ERG: variants seen among roughly 807,000 people sequenced by gnomAD.
The protein encoded by ERG is ETS transcription factor ERG.
A neutral mutation model predicts 55.3 loss-of-function variants in ERG; 9 were observed. That is an observed-to-expected ratio of 0.16 (90% confidence interval 0.10 to 0.28). ERG has a LOEUF of 0.28. Among genes scored for constraint, ERG ranks in the 10% least tolerant of loss-of-function variants. The probability of loss-of-function intolerance (pLI) is 1.00; values close to 1 mark genes in which losing one functional copy is unlikely to be tolerated. For missense variants in ERG, 434 were observed against 631.6 expected (o/e 0.69, Z 3.35); for synonymous variants, 223 against 237.3 (o/e 0.94, Z 0.55).
intron 1 of ERG, among the ~76,000 whole-genome samples, chr21:38,455,124 T>C (rs888089484): frequency 3.0e-5 from 4 of 132,284 alleles, no homozygotes; most frequent in East Asian, 4.1e-4. Context: ...CTTTCTTTTT[T>C]TTTTTTTTTA....
intron 1 of ERG, among the ~76,000 whole-genome samples, chr21:38,634,123 T>C (rs1452496591): frequency 6.6e-6 from 1 of 152,200 alleles, no homozygotes; most frequent in African/African-American, 2.4e-5. Context: ...TAGTTGTATT[T>C]TATCTGCAAA....
chr21:38,450,630 A>G (rs942452100), intron 1 of ERG, among the ~76,000 whole-genome samples: 9 of 152,182 alleles, frequency 5.9e-5, no homozygotes, highest in Non-Finnish European at 8.8e-5. Context: ...AACCACTTTC[A>G]TAAATAGCTT....
intron 1 of ERG, among the ~76,000 whole-genome samples, chr21:38,638,368 C>T (rs1283261357): frequency 1.3e-5 from 2 of 152,200 alleles, no homozygotes; most frequent in African/African-American, 4.8e-5. Context: ...TGCATCTGGC[C>T]CTCCTCACTT....
chr21:38,395,690 G>A (rs2146438527), intron 6 of ERG: 1 of 172,700 alleles, frequency 5.8e-6, no homozygotes, highest in South Asian at 2.0e-4. Context: ...CTACAAATAG[G>A]GACTCGGCTA....
intron 5 of ERG, among the ~76,000 whole-genome samples, 193 bp from the exon 6 acceptor site, chr21:38,400,838 T>C (rs1716487837): frequency 6.6e-6 from 1 of 152,218 alleles, no homozygotes; most frequent in Non-Finnish European, 1.5e-5. Context: ...CTTGGAGCCT[T>C]GGTGTACTCC....
intron 1 of ERG, among the ~76,000 whole-genome samples, chr21:38,639,936 C>T (rs189932910): frequency 1.1e-4 from 17 of 152,246 alleles, no homozygotes; most frequent in East Asian, 1.9e-4. Flanking sequence ...AGGACAGCCA[C>T]GCCTGGAAAC....
chr21:38,561,356 A>G (rs1023153), intron 2 of ERG, among the ~76,000 whole-genome samples: 132,646 of 152,104 alleles, frequency 0.87, 58,031 homozygotes, highest in South Asian at 0.92. Flanking sequence ...TGAAGGTGAA[A>G]TTGGACAGGT....
intron 1 of ERG, among the ~76,000 whole-genome samples, chr21:38,658,658 G>T (rs4143428): frequency 0.39 from 58,989 of 152,042 alleles, 12,517 homozygotes; most frequent in Middle Eastern, 0.55. Flanking sequence ...GATACATAAC[G>T]TATAACATTG....
In ERG at chr21:38,417,879, A is replaced by G. The variant is rs79448826; in HGVS notation, c.388+5531T>C. On this transcript the variant is annotated intron_variant, in intron 3 of 9. Transcript: ENST00000288319. ...ATAAGCTGCTAAAGCGAGAGGTCCTATTGCATTTTGGTCAGCATTTTGCAA... is the reference window on the plus strand; with the variant it reads ...ATAAGCTGCTAAAGCGAGAGGTCCTGTTGCATTTTGGTCAGCATTTTGCAA... 4.7e-3 allele frequency among the ~76,000 whole-genome samples: 712 copies of G among 152,286 alleles called. 2 individuals carry two copies. Among genetic ancestry groups the G allele is most frequent in the African/African-American group, 0.015 (624 of 41,576 alleles).
At chr21:38,548,576 T>C (rs1351091862) in intron 2 of ERG, among the ~76,000 whole-genome samples, 1 of 148,486 alleles carries the variant, frequency 6.7e-6, no homozygotes, top group Non-Finnish European at 1.5e-5. Context: ...GCCTCCCAAG[T>C]AGCTGGGACT....
rs569765081 is a variant in ERG, at chr21:38,539,105, C to G, written c.-41+36557G>C. Among the ~76,000 whole-genome samples, 4 of 152,302 alleles carry G rather than the reference C, an allele frequency of 2.6e-5. No homozygotes were observed. The South Asian group carries it at 8.3e-4, about 32-fold the overall frequency. On this transcript the variant is annotated intron_variant, in intron 2 of 8. Coordinates refer to the ERG transcript ENST00000398897. ...GTGAGCTGAAGGCACTTTAACGATG[C>G]TGAGGCTGTAAACTAATGCATAATG... is the stretch of plus-strand genomic sequence containing the variant.
At chr21:38,655,672 A>T (rs753539514) in intron 1 of ERG, among the ~76,000 whole-genome samples, 3 of 152,174 alleles carry the variant, frequency 2.0e-5, no homozygotes, top group Non-Finnish European at 4.4e-5. Flanking sequence ...TTGAGGCTTG[A>T]GTGTGGATTT....
At chr21:38,514,890 T>C (rs935846543) in intron 2 of ERG, among the ~76,000 whole-genome samples, 6 of 152,000 alleles carry the variant, frequency 3.9e-5, no homozygotes, top group African/African-American at 1.4e-4. Flanking sequence ...AAATGAGTTT[T>C]AAAAGTTTGC....
chr21:38,387,071 A>AGGG, intron 9 of ERG, among the ~76,000 whole-genome samples: 1 of 150,808 alleles, frequency 6.6e-6, no homozygotes, highest in Non-Finnish European at 1.5e-5. Flanking sequence ...TGAGCAAAAA[A>AGGG]GGGGGAAAAA....
intron 2 of ERG, among the ~76,000 whole-genome samples, chr21:38,560,120 G>T (rs889657569): frequency 6.6e-6 from 1 of 152,208 alleles, no homozygotes; most frequent in Admixed American, 6.5e-5. Context: ...GATTTTGTGA[G>T]TGAAGGGCAT....
chr21:38,372,825 G>GTTT, the ERG span, among the ~76,000 whole-genome samples: 1 of 144,718 alleles, frequency 6.9e-6, no homozygotes, highest in Non-Finnish European at 1.5e-5. Context: ...TCCATTTCTT[G>GTTT]TTTTTTTTTT....
chr21:38,481,912 T>TTA (rs774106838), intron 1 of ERG, among the ~76,000 whole-genome samples: 2 of 152,232 alleles, frequency 1.3e-5, no homozygotes, highest in Non-Finnish European at 2.9e-5. Flanking sequence ...GAAAGACTTA[T>TTA]TATATAATAG....
intron 1 of ERG, among the ~76,000 whole-genome samples, chr21:38,487,563 G>A (rs1480068530): frequency 2.6e-5 from 4 of 152,200 alleles, no homozygotes; most frequent in African/African-American, 9.7e-5. Context: ...TCTGCTGTCT[G>A]GTCCTGTAGC....
intron 2 of ERG, among the ~76,000 whole-genome samples, chr21:38,430,179 G>A (rs1405573354): frequency 2.6e-5 from 4 of 152,032 alleles, no homozygotes; most frequent in African/African-American, 9.7e-5. Flanking sequence ...GTGATGTTGA[G>A]TGTTTTTTCA....
Sources: gnomAD v4.1 joint callset for allele counts (sites outside exome capture counted in the v4.1 genomes callset) on GRCh38, gnomAD v4.1.1 for gene constraint, MANE v1.5 for transcripts, NCBI Gene and HGNC (gene_info 2026-07-23, HGNC 2026-07-21) for gene names.